Variants in STK11 observed in about 807,000 individuals in gnomAD.
The protein encoded by STK11 is serine/threonine kinase 11.
STK11 carries 8 observed loss-of-function variants against 47.3 expected under a neutral mutation model. The observed-to-expected ratio is 0.17, with a 90% CI of 0.10 to 0.31. The LOEUF (loss-of-function observed/expected upper bound fraction) is 0.31, where lower values mean the gene tolerates loss of function less well. Among genes scored for constraint, STK11 ranks in the 10% least tolerant of loss-of-function variants. The pLI is 1.00. For missense variants in STK11, 475 were observed against 605.0 expected, an observed-to-expected ratio of 0.79 and a Z score of 2.25; for synonymous variants, 330 against 255.8, an observed-to-expected ratio of 1.29 and a Z score of -2.77.
chr19:1,215,923 G>A (rs2080741802), intron 1 of STK11, among the ~76,000 whole-genome samples: 1 of 151,940 alleles, frequency 6.6e-6, no homozygotes, highest in Admixed American at 6.6e-5. Flanking sequence ...TTTTAGTAGA[G>A]ACAAGGTTTC....
chr19:1,211,139 G>A lies in STK11; in HGVS notation c.290+3936G>A, dbSNP rs565780092. ...CAAATACAAAAATTAGCCAGGCGTG[G>A]TGGCGCGCGCCTGTAGTCCAGCTAC... is the stretch of plus-strand genomic sequence containing the variant. On this transcript the variant is annotated intron_variant, in intron 1 of 9. Transcript: ENST00000326873. 2.6e-5 allele frequency among the ~76,000 whole-genome samples: 4 copies of A among 152,342 alleles called. No homozygotes were observed. In the East Asian group the frequency reaches 5.8e-4, roughly 22 times the overall value.
At chr19:1,218,848 C>T (rs539134321) in intron 2 of STK11, among the ~76,000 whole-genome samples, 7 of 152,308 alleles carry the variant, frequency 4.6e-5, no homozygotes, top group Admixed American at 2.0e-4. Context: ...GGCGTGTCCT[C>T]GTGTCATCTG....
At chr19:1,209,754 T>C (rs2080696649) in intron 1 of STK11, among the ~76,000 whole-genome samples, 1 of 151,088 alleles carries the variant, frequency 6.6e-6, no homozygotes. Flanking sequence ...TCCTGGGAGC[T>C]CAGGTGAGCA....
chr19:1,223,120 C>CCTCTTCGACATCGAGGAT lies in STK11; in HGVS notation c.1057_1074dup (p.Leu353_Asp358dup), dbSNP rs2145431264. 6.2e-7 allele frequency: 1 copy of CCTCTTCGACATCGAGGAT among 1,611,758 alleles called. No homozygotes were observed. Among genetic ancestry groups the CCTCTTCGACATCGAGGAT allele is most frequent in the Non-Finnish European group, 8.5e-7 (1 of 1,179,494 alleles). On this transcript the variant is annotated inframe_insertion, in exon 8 of 10. Coordinates refer to ENST00000326873, the MANE Select transcript of STK11 (RefSeq NM_000455.5). The stretch of plus-strand genomic sequence containing the variant: ...TGCACGGCGCGGACGAGGACGAGGA[C>CCTCTTCGACATCGAGGAT]CTCTTCGACATCGAGGATGACATCA...
At chr19:1,225,053 G>T (rs556227806) in intron 8 of STK11, 1 of 985,874 alleles carries the variant, frequency 1.0e-6, no homozygotes, top group East Asian at 1.1e-4. Context: ...CCAGGATGCG[G>T]GTCCTGCTGC....
intron 1 of STK11, among the ~76,000 whole-genome samples, chr19:1,217,480 G>A (rs1166037424): frequency 1.3e-5 from 2 of 152,182 alleles, no homozygotes; most frequent in African/African-American, 2.4e-5. Context: ...GAGAAATGAA[G>A]TGTCTGCGAC....
rs537656569 is a variant in STK11, at chr19:1,224,475, T to C, written c.1108+1303T>C. 577 of 985,382 alleles carry C rather than the reference T, an allele frequency of 5.9e-4. 1 individual carries two copies. Among genetic ancestry groups the C allele is most frequent in the Non-Finnish European group, 6.6e-4 (551 of 829,948 alleles). 61.0% of individuals were successfully genotyped at this position (985,382 alleles called of 1,614,324 possible). A position where few individuals can be genotyped will look rare whatever the true frequency, so the allele number is the denominator to read the frequency against. On this transcript the variant is annotated intron_variant, in intron 8 of 9. Transcript: ENST00000326873. ...CAGGGTCTTCTGCCTTTCAGAGCCC[T>C]GGTGCCCTGAGACGGGCAGCCAGGC...
chr19:1,207,688 G>C (rs561827453), intron 1 of STK11, among the ~76,000 whole-genome samples: 1 of 152,342 alleles, frequency 6.6e-6, no homozygotes, highest in Non-Finnish European at 1.5e-5. Context: ...ACCCTGGGCT[G>C]CCAAAAATAA....
In STK11 at chr19:1,226,549, A is replaced by G; in HGVS notation, c.1204A>G (p.Thr402Ala). ...CGGCACAGAGGCGGCGCAGCTGAGC[A>G]CCAAATCCAGGGCGGAGGGCCGGGC... Reference protein sequence around the residue: ...MNGTEAAQLSTKSRAEGRAPN... With the variant: ...MNGTEAAQLSAKSRAEGRAPN... Residue 402 changes from threonine (T) to alanine (A), a missense_variant, in exon 9 of 10, where the codon ACC (threonine) becomes GCC (alanine). Physicochemically the swap from Thr to Ala is moderately conservative, Grantham distance 58 (BLOSUM62 0). Transcript: ENST00000326873. The G allele has an allele frequency of 6.2e-7, 1 of 1,603,260 alleles. No individual in the cohort carries two copies. Among genetic ancestry groups the G allele is most frequent in the Non-Finnish European group, 8.5e-7 (1 of 1,176,146 alleles).
Position 1,206,648 on chromosome 19 carries a change from A to T in STK11, c.-266A>T. Reference sequence around the variant, plus strand: ...GTTCTGAGGCCCGGGTCCCACTGGAACTCGCGTCTGAGCCGCCGTCCCGGA... The same window carrying T: ...GTTCTGAGGCCCGGGTCCCACTGGATCTCGCGTCTGAGCCGCCGTCCCGGA... On this transcript the variant is annotated 5_prime_UTR_variant, in exon 1 of 10. Coordinates refer to ENST00000326873, the MANE Select transcript of STK11 (RefSeq NM_000455.5). The T allele has an allele frequency of 1.9e-6, 1 of 523,814 alleles. No homozygotes were observed. Among genetic ancestry groups the T allele is most frequent in the Non-Finnish European group, 3.4e-6 (1 of 297,112 alleles). 32.4% of individuals were successfully genotyped at this position (523,814 alleles called of 1,614,324 possible).
chr19:1,221,477 G>A (rs552484772), intron 6 of STK11, 137 bp downstream of exon 6: 62 of 1,349,492 alleles, frequency 4.6e-5, no homozygotes, highest in East Asian at 7.6e-5. Context: ...TGGAGAGGCC[G>A]ACCTCCCCGC....
chr19:1,227,251 C>G (rs1306327492), intron 9 of STK11: 1 of 167,196 alleles, frequency 6.0e-6, no homozygotes, highest in Non-Finnish European at 1.3e-5. Context: ...AAGTCACCTG[C>G]CGAGGATGCG....
chr19:1,218,540 A>T (rs2080759579), intron 2 of STK11, 40 bp downstream of exon 2: 1 of 1,577,536 alleles, frequency 6.3e-7, no homozygotes. Context: ...CCTCCGTGGG[A>T]GGGGCTGGGG....
At position 1,220,644 on chromosome 19, in the gene STK11, C is replaced by T. The variant is rs587782546; in HGVS notation, c.661C>T (p.Pro221Ser). ...CAGCCAGGGCTCCCCGGCTTTCCAGCCGCCCGAGATTGCCAACGGCCTGGA... is the reference window on the plus strand; with the variant it reads ...CAGCCAGGGCTCCCCGGCTTTCCAGTCGCCCGAGATTGCCAACGGCCTGGA... ...RTSQGSPAFQ[P>S]PEIANGLDTF... is the part of the protein sequence containing the mutation. Residue 221 changes from proline (P) to serine (S), a missense_variant, in exon 5 of 10, where the codon CCG becomes TCG. Transcript: ENST00000326873. 6.2e-7 allele frequency: 1 copy of T among 1,608,882 alleles called. No homozygotes were observed. The highest frequency in any genetic ancestry group is 1.7e-5 in the Admixed American group (1 of 59,652).
chr19:1,216,834 CA>C (rs71335349), intron 1 of STK11, among the ~76,000 whole-genome samples: 201 of 114,284 alleles, frequency 1.8e-3, no homozygotes, highest in Admixed American at 2.0e-3. Flanking sequence ...AACCCTGTCT[CA>C]AAAAAAAAAA....
chr19:1,222,374 A>G (rs2145429560), intron 7 of STK11, among the ~76,000 whole-genome samples: 1 of 152,178 alleles, frequency 6.6e-6, no homozygotes, highest in East Asian at 1.9e-4. Context: ...CAGGGCCCCC[A>G]GCTCCATGAC....
At chr19:1,208,219 T>C (rs1407076252) in intron 1 of STK11, among the ~76,000 whole-genome samples, 1 of 151,816 alleles carries the variant, frequency 6.6e-6, no homozygotes, top group Non-Finnish European at 1.5e-5. Context: ...GTGTCTGCTC[T>C]CACCTTCCTC....
intron 1 of STK11, among the ~76,000 whole-genome samples, chr19:1,212,574 A>T (rs2080718819): frequency 6.7e-6 from 1 of 149,164 alleles, no homozygotes; most frequent in Admixed American, 6.7e-5. Flanking sequence ...TTACTTATTT[A>T]TTTATTTTTG....
chr19:1,227,497 T>G, intron 9 of STK11, 96 bp from the exon 10 acceptor site: 1 of 1,054,716 alleles, frequency 9.5e-7, no homozygotes, highest in Non-Finnish European at 1.1e-6. Context: ...GGTAGCCCCA[T>G]GACTGTACCT....
Sources: gnomAD v4.1 joint callset for allele counts (sites outside exome capture counted in the v4.1 genomes callset) on GRCh38, gnomAD v4.1.1 for gene constraint, MANE v1.5 for transcripts, NCBI Gene and HGNC (gene_info 2026-07-23, HGNC 2026-07-21) for gene names.